Variants in STARD10 observed in about 807,000 individuals in gnomAD.
The protein encoded by STARD10 is StAR related lipid transfer domain containing 10.
A neutral mutation model predicts 36.0 loss-of-function variants in STARD10; 24 were observed. The ratio of observed to expected loss-of-function variants is 0.67; its 90% CI spans 0.48 to 0.94. The LOEUF is 0.94. Among genes scored for constraint, STARD10 ranks in the 40% least tolerant of loss-of-function variants. The pLI is 0.00. For synonymous variants in STARD10, 156 were observed against 161.9 expected, an observed-to-expected ratio of 0.96 and a Z score of 0.28; for missense variants, 335 against 396.6, an observed-to-expected ratio of 0.84 and a Z score of 1.32.
intron 1 of STARD10, among the ~76,000 whole-genome samples, chr11:72,790,672 T>C (rs1859131994): frequency 6.6e-6 from 1 of 152,230 alleles, no homozygotes; most frequent in Admixed American, 6.5e-5. Flanking sequence ...CCCAGGATCT[T>C]GTTCTGGTCT....
rs754964120 is a variant in STARD10, at chr11:72,757,834, G to C, written c.510C>G (p.Gly170=). 1.2e-6 allele frequency: 2 copies of C among 1,614,224 alleles called. No individual in the cohort carries two copies. Among genetic ancestry groups the C allele is most frequent in the Non-Finnish European group, 1.7e-6 (2 of 1,180,038 alleles). The change falls in exon 5 of 7, where the codon GGC becomes GGG. Residue 170 remains glycine (G), a synonymous_variant. Coordinates refer to ENST00000334805, the MANE Select transcript of STARD10 (RefSeq NM_006645.3). ...DLVRAVSIQT[G]YLIQSTGPKS... is the part of the protein sequence containing the mutation. Reference sequence around the variant, plus strand: ...TGGGCCCTGTGCTCTGGATGAGGTAGCCCGTCTGGATGGACACAGCTCGGA... The same window carrying C: ...TGGGCCCTGTGCTCTGGATGAGGTACCCCGTCTGGATGGACACAGCTCGGA...
rs1175684994 is a variant in STARD10 at position 72,759,230 on chromosome 11, TCACAGGAGTA to T, written c.349_355+3del. 1 of 1,613,976 alleles carries T rather than the reference TCACAGGAGTA, an allele frequency of 6.2e-7. No homozygotes were observed. The highest frequency in any genetic ancestry group is 1.7e-5 in the Admixed American group (1 of 59,988). The stretch of plus-strand genomic sequence containing the variant: ...ACTGGGATCAGCGTGCTACGCCTGC[TCACAGGAGTA>T]ATAGCCCACGTCAGCGTTGACTGTC... On this transcript the variant is annotated splice_donor_variant and splice_donor_region_variant and coding_sequence_variant and intron_variant, in exon 3 of 7. Transcript: ENST00000334805. LOFTEE classifies it high-confidence loss of function.
chr11:72,792,109 GC>G (rs1488466845), intron 1 of STARD10, among the ~76,000 whole-genome samples: 26 of 144,778 alleles, frequency 1.8e-4, no homozygotes, highest in African/African-American at 6.7e-4. Context: ...GAGTACAGTG[GC>G]GCCATCTCGG....
At chr11:72,790,827 G>A (rs1467207000) in intron 1 of STARD10, among the ~76,000 whole-genome samples, 3 of 152,228 alleles carry the variant, frequency 2.0e-5, no homozygotes, top group East Asian at 3.8e-4. Context: ...ACTGGAGGAG[G>A]AGATGGGGAC....
At position 72,780,672 on chromosome 11, in the gene STARD10, A is replaced by G. The variant is rs1858980748; in HGVS notation, c.207+303T>C. 9 of 459,936 alleles carry G rather than the reference A, an allele frequency of 2.0e-5. 1 individual carries two copies. Among genetic ancestry groups the G allele is most frequent in the South Asian group, 1.7e-4 (8 of 47,498 alleles). The allele number at this position is 459,936 out of a possible 1,614,324, so 28.5% of individuals were successfully genotyped here. Reference sequence around the variant, plus strand: ...TCCCCAGCAGAGGGGTCCCTGAGGGAGACCACTCTCCTAGAAGGGCCTGGC... The same window carrying G: ...TCCCCAGCAGAGGGGTCCCTGAGGGGGACCACTCTCCTAGAAGGGCCTGGC... On this transcript the variant is annotated intron_variant, in intron 2 of 6. Transcript: ENST00000334805.
At chr11:72,772,893 C>T (rs1356445877) in intron 2 of STARD10, among the ~76,000 whole-genome samples, 1 of 152,124 alleles carries the variant, frequency 6.6e-6, no homozygotes, top group Non-Finnish European at 1.5e-5. Flanking sequence ...TGTACCGTCC[C>T]CCAACCATGC....
At position 72,780,964 on chromosome 11, in the gene STARD10, G is replaced by A. The variant is rs377179245; in HGVS notation, c.207+11C>T. ...TGCAGTGGAGGCTGCAGGTATAGCGGGCAACCCTACCTTGATCTTGTGCAG... is the reference window on the plus strand; with the variant it reads ...TGCAGTGGAGGCTGCAGGTATAGCGAGCAACCCTACCTTGATCTTGTGCAG... On this transcript the variant is annotated intron_variant, in intron 2 of 6. Coordinates refer to ENST00000334805, the MANE Select transcript of STARD10 (RefSeq NM_006645.3). 2.2e-4 allele frequency: 356 copies of A among 1,613,984 alleles called. No homozygotes were observed. The highest frequency in any genetic ancestry group is 2.7e-4 in the Non-Finnish European group (321 of 1,179,874).
intron 2 of STARD10, among the ~76,000 whole-genome samples, chr11:72,775,773 G>A (rs1236781452): frequency 6.6e-6 from 1 of 152,036 alleles, no homozygotes; most frequent in African/African-American, 2.4e-5. Flanking sequence ...CAGAAAGAGG[G>A]TAATGATGGA....
At chr11:72,789,536 G>C (rs930501865) in intron 1 of STARD10, among the ~76,000 whole-genome samples, 2 of 152,210 alleles carry the variant, frequency 1.3e-5, no homozygotes, top group African/African-American at 4.8e-5. Flanking sequence ...CACCCACACA[G>C]CCCCTCCTCA....
intron 2 of STARD10, among the ~76,000 whole-genome samples, chr11:72,779,669 C>T (rs1420562149): frequency 6.6e-6 from 1 of 152,202 alleles, no homozygotes; most frequent in African/African-American, 2.4e-5. Flanking sequence ...TTCCCCATCC[C>T]TGCTCCTCAG....
intron 1 of STARD10, chr11:72,785,841 C>T (rs1238579058): frequency 2.6e-5 from 4 of 152,638 alleles, no homozygotes; most frequent in African/African-American, 9.7e-5. Flanking sequence ...TGATGGCTGC[C>T]TTGATCTCCC....
At position 72,754,985 on chromosome 11, in the gene STARD10, A is replaced by G. The variant is rs766215581; in HGVS notation, c.788T>C (p.Ile263Thr). The G allele has an allele frequency of 1.2e-6, 2 of 1,612,446 alleles. No individual in the cohort carries two copies. Among genetic ancestry groups the G allele is most frequent in the Non-Finnish European group, 1.7e-6 (2 of 1,179,692 alleles). Residue 263 changes from isoleucine to threonine, a missense_variant, in exon 7 of 7, where the codon ATC becomes ACC. Physicochemically the swap from Ile to Thr is moderately conservative, Grantham distance 89. Transcript: ENST00000334805. ...SVQHADSLEN[I>T]DESAVAESRE... ...GCTCTCGGCCACCGCGCTCTCGTCG[A>G]TGTTCTCCAGTGAGTCCGCATGCTG...
At chr11:72,759,101 ATC>A (rs1214414969) in intron 3 of STARD10, 131 bp downstream of exon 3, 59 of 1,094,594 alleles carry the variant, frequency 5.4e-5, no homozygotes, top group Non-Finnish European at 6.6e-5. Context: ...GGGCAGCTCT[ATC>A]TCTCAGCACT....
intron 2 of STARD10, among the ~76,000 whole-genome samples, chr11:72,771,499 A>C (rs913626328): frequency 2.0e-4 from 31 of 152,110 alleles, no homozygotes; most frequent in African/African-American, 7.5e-4. Flanking sequence ...CCTCCAACTC[A>C]TCTTCTTCCC....
rs1417285170 is a variant in STARD10 at position 72,793,172 on chromosome 11, C to A, written c.-411G>T. 6.6e-6 allele frequency: 1 copy of A among 152,266 alleles called. No homozygotes were observed. The highest frequency in any genetic ancestry group is 6.5e-5 in the Admixed American group (1 of 15,286). 9.4% of individuals were successfully genotyped at this position (152,266 alleles called of 1,614,324 possible). The stretch of plus-strand genomic sequence containing the variant: ...AGCTCTTGCTCACAGCCTGCTGAGA[C>A]CTGGGGCAAGCCCCTGTCCCTCTTT... On this transcript the variant is annotated 5_prime_UTR_variant, in exon 1 of 7. Coordinates refer to ENST00000334805, the MANE Select transcript of STARD10 (RefSeq NM_006645.3).
intron 1 of STARD10, among the ~76,000 whole-genome samples, chr11:72,787,633 C>T (rs574066516): frequency 2.0e-5 from 3 of 152,244 alleles, no homozygotes; most frequent in African/African-American, 4.8e-5. Context: ...AGTTCGATTG[C>T]GGGGTCGATG....
rs369019796 is a variant in STARD10, at chr11:72,757,928, AAAG to A, written c.460-47_460-45del. 1,090 of 1,568,742 alleles carry A rather than the reference AAAG, an allele frequency of 6.9e-4. 5 individuals are homozygous for A. In the African/African-American group the frequency reaches 0.013, roughly 19 times the overall value. On this transcript the variant is annotated intron_variant, in intron 4 of 6. Coordinates refer to ENST00000334805, the MANE Select transcript of STARD10 (RefSeq NM_006645.3). ...GGGAGGTGAGACTCGGGGTGGGGGC[AAAG>A]AAGATGTTTTTGTGAGTATACACAA...
At chr11:72,789,067 GA>G (rs1267426495) in intron 1 of STARD10, among the ~76,000 whole-genome samples, 1 of 109,812 alleles carries the variant, frequency 9.1e-6, no homozygotes. Context: ...GGCTGGTCTC[GA>G]ACTTCTGGCC....
chr11:72,772,936 T>C (rs1302544185), intron 2 of STARD10, among the ~76,000 whole-genome samples: 4 of 152,136 alleles, frequency 2.6e-5, no homozygotes, highest in Non-Finnish European at 4.4e-5. Context: ...CCTGAGTATA[T>C]GTCTCTGTCC....
Sources: allele counts gnomAD v4.1 joint callset (sites outside exome capture counted in the v4.1 genomes callset), GRCh38; gene constraint gnomAD v4.1.1; transcripts MANE v1.5; gene names NCBI Gene and HGNC (gene_info 2026-07-23, HGNC 2026-07-21).